MYH14: variants seen among roughly 807,000 people sequenced by gnomAD.
MYH14 encodes the protein myosin heavy chain 14.
A neutral mutation model predicts 255.5 loss-of-function variants in MYH14; 123 were observed. The ratio of observed to expected loss-of-function variants is 0.48; its 90% CI spans 0.42 to 0.56. The LOEUF is 0.56. Among genes scored for constraint, MYH14 ranks in the 20% least tolerant of loss-of-function variants. MYH14 has a pLI of 0.00. For synonymous variants in MYH14, 1,095 were observed against 1,161.2 expected (o/e 0.94, Z 1.16); for missense variants, 2,423 against 2,802.3 (o/e 0.86, Z 3.06).
chr19:50,261,727 G>A (rs1407626977), intron 21 of MYH14, 92 bp downstream of exon 21: 10 of 1,271,946 alleles, frequency 7.9e-6, no homozygotes, highest in African/African-American at 1.5e-5. Context: ...GGGCCTCCAG[G>A]ATGGGTGCAG....
In MYH14 at chr19:50,221,499, G is replaced by A. The variant is rs552075270; in HGVS notation, c.563-1584G>A. Among the ~76,000 whole-genome samples the A allele has an allele frequency of 2.6e-5, 4 of 152,078 alleles. No individual in the cohort carries two copies. Among genetic ancestry groups the A allele is most frequent in the Middle Eastern group, 6.8e-3 (2 of 294 alleles). On this transcript the variant is annotated intron_variant, in intron 3 of 42. Coordinates refer to ENST00000642316, the MANE Select transcript of MYH14 (RefSeq NM_001145809.2). The surrounding 1 kb of genome is among the most constrained non-coding windows in gnomAD (Gnocchi z 5.3). ...TATTTAAATTTATTTATTTAGAGAC[G>A]GAGCCTCACTCTTGTCACCCAGGCT...
At chr19:50,275,812 C>T (rs1011314443) in intron 27 of MYH14, among the ~76,000 whole-genome samples, 179 bp from the exon 28 acceptor site, 18 of 152,156 alleles carry the variant, frequency 1.2e-4, no homozygotes, top group African/African-American at 3.9e-4. Flanking sequence ...GGCAGCAGAG[C>T]GAGACCCTGT....
chr19:50,271,387 T>G, intron 24 of MYH14, 22 bp from the exon 25 acceptor site: 3 of 1,590,836 alleles, frequency 1.9e-6, no homozygotes, highest in Non-Finnish European at 2.6e-6. Context: ...GTATCCTCAC[T>G]CCTCCTGCCT....
At chr19:50,268,020 T>G in intron 23 of MYH14, 141 bp from the exon 24 acceptor site, 3 of 1,016,638 alleles carry the variant, frequency 3.0e-6, no homozygotes, top group Non-Finnish European at 2.8e-6. Flanking sequence ...GGGGAGGAGG[T>G]GGGGACACCG....
At position 50,273,790 on chromosome 19, in the gene MYH14, C is replaced by T. The variant is rs117628182; in HGVS notation, c.3467+1059C>T. ...CCAAGTAGCTGGGATTACAGGTGCCCGCCAACAAGCTAATTTTCGTATTTT... is the reference window on the plus strand; with the variant it reads ...CCAAGTAGCTGGGATTACAGGTGCCTGCCAACAAGCTAATTTTCGTATTTT... On this transcript the variant is annotated intron_variant, in intron 27 of 42. Transcript: ENST00000642316. Among the ~76,000 whole-genome samples, 141 of 152,108 alleles carry T rather than the reference C, an allele frequency of 9.3e-4. 2 individuals carry two copies. In the East Asian group the frequency reaches 0.026, roughly 28 times the overall value.
intron 10 of MYH14, among the ~76,000 whole-genome samples, chr19:50,236,074 G>A (rs990947249): frequency 6.6e-6 from 1 of 151,718 alleles, no homozygotes; most frequent in African/African-American, 2.4e-5. Flanking sequence ...GCTCACGCCT[G>A]TAATCCCAGC....
intron 30 of MYH14, among the ~76,000 whole-genome samples, chr19:50,279,802 C>T (rs181814103): frequency 5.3e-5 from 8 of 152,334 alleles, no homozygotes; most frequent in African/African-American, 9.6e-5. Context: ...GAGAACATTC[C>T]GGTACGAGTT....
Position 50,247,122 on chromosome 19 carries a change from G to A in MYH14, c.1329G>A (p.Gln443=). The A allele has an allele frequency of 6.2e-7, 1 of 1,608,746 alleles. No individual in the cohort carries two copies. The highest frequency in any genetic ancestry group is 8.5e-7 in the Non-Finnish European group (1 of 1,175,926). ...TGCAGAAAGCCCAGACTAAGGAACA[G>A]GTAGGCGGGGCTGGCGGTGGGCAGG... ...DYVQKAQTKE[Q]ADFALEALAK... The change falls in exon 12 of 43, where the codon CAG becomes CAA. Residue 443 remains glutamine (Q), a splice_region_variant and synonymous_variant. Coordinates refer to ENST00000642316, the MANE Select transcript of MYH14 (RefSeq NM_001145809.2).
chr19:50,238,384 A>T (rs2033752502), intron 10 of MYH14, among the ~76,000 whole-genome samples: 1 of 152,200 alleles, frequency 6.6e-6, no homozygotes, highest in African/African-American at 2.4e-5. Flanking sequence ...ATGATCATTA[A>T]GTTTGCTGGG....
chr19:50,275,969 C>T (rs781372406), intron 27 of MYH14, 22 bp from the exon 28 acceptor site: 21 of 1,600,878 alleles, frequency 1.3e-5, no homozygotes, highest in Non-Finnish European at 1.6e-5. Flanking sequence ...TGTATCAACT[C>T]CACGGTTCTT....
chr19:50,296,798 G>C (rs1054304720), intron 39 of MYH14, among the ~76,000 whole-genome samples: 1 of 152,178 alleles, frequency 6.6e-6, no homozygotes, highest in African/African-American at 2.4e-5. Context: ...GCCCAAAGTG[G>C]GGCAAGTTGA....
chr19:50,247,712 C>T (rs1340708200), intron 12 of MYH14, among the ~76,000 whole-genome samples: 4 of 151,860 alleles, frequency 2.6e-5, no homozygotes, highest in East Asian at 1.9e-4. Context: ...TCGAGGCAGA[C>T]GGAACCGCAA....
At chr19:50,271,720 A>G in intron 25 of MYH14, 129 bp from the exon 26 acceptor site, 1 of 1,463,366 alleles carries the variant, frequency 6.8e-7, no homozygotes. Flanking sequence ...GTGTAGGGGG[A>G]GGAAGGTCAG....
At chr19:50,253,107 A>G (rs930062449) in intron 16 of MYH14, among the ~76,000 whole-genome samples, 2 of 152,214 alleles carry the variant, frequency 1.3e-5, no homozygotes, top group African/African-American at 4.8e-5. Context: ...AACAGGAAGA[A>G]GTAAACTTAT....
At chr19:50,271,686 C>A in intron 25 of MYH14, 140 bp downstream of exon 25, 3 of 1,458,906 alleles carry the variant, frequency 2.1e-6, no homozygotes, top group South Asian at 2.6e-5. Flanking sequence ...TCTATAGCCC[C>A]AAGGGAATGG....
chr19:50,263,260 G>GGGAT, intron 21 of MYH14, 52 bp from the exon 22 acceptor site: 1 of 1,184,536 alleles, frequency 8.4e-7, no homozygotes, highest in Non-Finnish European at 1.2e-6. Context: ...TCTTGCTAAG[G>GGGAT]GGATGGCGCC....
At chr19:50,278,778 C>T (rs944915743) in intron 30 of MYH14, among the ~76,000 whole-genome samples, 6 of 148,262 alleles carry the variant, frequency 4.0e-5, no homozygotes, top group South Asian at 2.1e-4. Flanking sequence ...AGTTCGAGAC[C>T]GGCCTCACCA....
intron 10 of MYH14, among the ~76,000 whole-genome samples, chr19:50,242,289 T>C (rs1367613944): frequency 2.0e-5 from 3 of 152,210 alleles, no homozygotes; most frequent in African/African-American, 4.8e-5. Context: ...CATTTCTGTA[T>C]TAGTCATGCT....
intron 1 of MYH14, among the ~76,000 whole-genome samples, chr19:50,207,855 C>T (rs1048798144): frequency 6.6e-6 from 1 of 152,194 alleles, no homozygotes; most frequent in African/African-American, 2.4e-5. Flanking sequence ...CTCTGCCCCT[C>T]GATCATTTGG....
Sources: allele counts gnomAD v4.1 joint callset (sites outside exome capture counted in the v4.1 genomes callset), GRCh38; gene constraint gnomAD v4.1.1; non-coding constraint Gnocchi (gnomAD v3.1); transcripts MANE v1.5; gene names NCBI Gene and HGNC (gene_info 2026-07-23, HGNC 2026-07-21).